The following RHBDD1 variants were observed in gnomAD, a reference collection of about 807,000 sequenced individuals.
The protein encoded by RHBDD1 is rhomboid domain containing 1, also known as rhomboid-related protein 4.
Under a neutral mutation model 36.3 loss-of-function variants are expected in RHBDD1, and 38 were observed. The ratio of observed to expected loss-of-function variants is 1.05; its 90% CI spans 0.81 to 1.37. RHBDD1 has a LOEUF of 1.37. Ranked by LOEUF, RHBDD1 falls within the 40% of genes most tolerant of loss-of-function variation. The pLI is 0.00. For synonymous variants in RHBDD1, 151 were observed against 136.5 expected, an observed-to-expected ratio of 1.11 and a Z score of -0.74; for missense variants, 393 against 377.6, an observed-to-expected ratio of 1.04 and a Z score of -0.34.
At chr2:226,990,217 T>C (rs1355164200) in intron 8 of RHBDD1, among the ~76,000 whole-genome samples, 2 of 152,184 alleles carry the variant, frequency 1.3e-5, no homozygotes, top group Non-Finnish European at 2.9e-5. Flanking sequence ...TTTTTGGTCT[T>C]TGACGGTAAA....
intron 5 of RHBDD1, among the ~76,000 whole-genome samples, chr2:226,904,920 C>T (rs187391877): frequency 1.3e-5 from 2 of 152,156 alleles, no homozygotes; most frequent in Admixed American, 1.3e-4. Context: ...GTGGTTTTAA[C>T]TTACCTCCTG....
chr2:226,980,304 ACTCTCGTTCC>A (rs1955422898), intron 8 of RHBDD1, among the ~76,000 whole-genome samples: 1 of 151,908 alleles, frequency 6.6e-6, no homozygotes, highest in African/African-American at 2.4e-5. Flanking sequence ...CCCATGCCCT[ACTCTCGTTCC>A]CCACCAGAGC....
intron 8 of RHBDD1, among the ~76,000 whole-genome samples, chr2:226,984,123 C>T (rs1482288925): frequency 1.3e-5 from 2 of 152,246 alleles, no homozygotes; most frequent in Non-Finnish European, 2.9e-5. Flanking sequence ...GAAAGCACAT[C>T]TGTTCACCGC....
chr2:226,882,430 C>CAAAAAAAAAA (rs58149634), intron 5 of RHBDD1, among the ~76,000 whole-genome samples: 1 of 57,102 alleles, frequency 1.8e-5, no homozygotes, highest in Non-Finnish European at 3.7e-5. Flanking sequence ...GACTTTGCCT[C>CAAAAAAAAAA]AAAAAAAAAA....
At chr2:226,962,158 G>A (rs963943600) in intron 8 of RHBDD1, among the ~76,000 whole-genome samples, 19 of 152,166 alleles carry the variant, frequency 1.2e-4, no homozygotes, top group African/African-American at 4.3e-4. Context: ...CTAAAGTGGT[G>A]ATATATTGGA....
chr2:226,920,924 G>A (rs909481681), intron 8 of RHBDD1, among the ~76,000 whole-genome samples: 2 of 152,070 alleles, frequency 1.3e-5, no homozygotes, highest in Non-Finnish European at 2.9e-5. Context: ...AATAGTTTGT[G>A]TTGGATTGGT....
At chr2:226,841,415 A>G (rs1165778557) in intron 3 of RHBDD1, among the ~76,000 whole-genome samples, 1 of 152,156 alleles carries the variant, frequency 6.6e-6, no homozygotes. Flanking sequence ...TCACCTAGGT[A>G]TTAAGCCCCA....
At chr2:226,994,365 G>A (rs190396478) in intron 8 of RHBDD1, among the ~76,000 whole-genome samples, 4 of 152,142 alleles carry the variant, frequency 2.6e-5, no homozygotes, top group Middle Eastern at 3.4e-3. Flanking sequence ...GGCAGGATGT[G>A]GTGATGATTG....
In RHBDD1 at chr2:226,842,445, T is replaced by G. The variant is rs1348983308; in HGVS notation, c.-91+2818T>G. Among the ~76,000 whole-genome samples the G allele has an allele frequency of 5.9e-5, 9 of 152,216 alleles. No homozygotes were observed. The South Asian group carries it at 1.9e-3, about 32-fold the overall frequency. ...TGGGTTTGACATTTAAGTCTTTAAT[T>G]CATTGTGAGTTAATTTTTGTATGTA... is the stretch of plus-strand genomic sequence containing the variant. On this transcript the variant is annotated intron_variant, in intron 3 of 8. Coordinates refer to ENST00000392062, the MANE Select transcript of RHBDD1 (RefSeq NM_001167608.3).
chr2:226,995,491 G>C lies in RHBDD1; in HGVS notation c.917G>C (p.Arg306Thr), dbSNP rs984888880. Residue 306 changes from arginine (R) to threonine (T), a missense_variant, in exon 9 of 9, where the codon AGA (arginine) becomes ACA (threonine). Coordinates refer to ENST00000392062, the MANE Select transcript of RHBDD1 (RefSeq NM_001167608.3). ...CATCTCTCACCAGAAGAAATGAGGA[G>C]ACAGCGGCTTCACAGATTCGATAGC... ...GFHLSPEEMR[R>T]QRLHRFDSQ 7 of 1,613,002 alleles carry C rather than the reference G, an allele frequency of 4.3e-6. No individual in the cohort carries two copies. The highest frequency in any genetic ancestry group is 5.9e-6 in the Non-Finnish European group (7 of 1,179,490).
At position 226,867,274 on chromosome 2, in the gene RHBDD1, T is replaced by C. The variant is rs1310888615; in HGVS notation, c.522T>C (p.Phe174=). The part of the protein sequence containing the change: ...NILGFPVPNR[F]ACWVELVAIH... The stretch of plus-strand genomic sequence containing the variant: ...TGGGCTTTCCTGTACCGAACAGATT[T>C]GCTTGTTGGGTCGAACTTGTGGCTA... Residue 174 remains phenylalanine (F), a synonymous_variant, in exon 5 of 9, where the codon TTT becomes TTC. Coordinates refer to ENST00000392062, the MANE Select transcript of RHBDD1 (RefSeq NM_001167608.3). The C allele has an allele frequency of 1.2e-6, 2 of 1,613,748 alleles. No individual in the cohort carries two copies. Among genetic ancestry groups the C allele is most frequent in the East Asian group, 4.5e-5 (2 of 44,836 alleles).
At chr2:226,856,737 G>A (rs1943367242) in intron 3 of RHBDD1, among the ~76,000 whole-genome samples, 1 of 152,202 alleles carries the variant, frequency 6.6e-6, no homozygotes, top group South Asian at 2.1e-4. Context: ...TGCGCTATTT[G>A]TGATGCACTA....
intron 5 of RHBDD1, among the ~76,000 whole-genome samples, chr2:226,904,415 G>T (rs550429873): frequency 6.4e-5 from 8 of 124,596 alleles, no homozygotes; most frequent in East Asian, 2.3e-4. Flanking sequence ...TCCTGCAAGC[G>T]GGGGGGGAGG....
At chr2:226,958,477 T>A (rs1951935818) in intron 8 of RHBDD1, among the ~76,000 whole-genome samples, 1 of 152,206 alleles carries the variant, frequency 6.6e-6, no homozygotes, top group Non-Finnish European at 1.5e-5. Flanking sequence ...TGGGAATGAT[T>A]ATACAGCTCT....
At chr2:226,877,646 C>T (rs1292720444) in intron 5 of RHBDD1, among the ~76,000 whole-genome samples, 1 of 150,512 alleles carries the variant, frequency 6.6e-6, no homozygotes, top group Non-Finnish European at 1.5e-5. Flanking sequence ...AACAACGGCT[C>T]ATTCATCTCA....
intron 7 of RHBDD1, among the ~76,000 whole-genome samples, chr2:226,912,389 A>G (rs952561958): frequency 2.0e-5 from 3 of 152,184 alleles, no homozygotes; most frequent in Admixed American, 1.3e-4. Flanking sequence ...ATGTCCACCT[A>G]AAAACTTGCT....
chr2:226,858,209 T>C (rs538155841), intron 3 of RHBDD1, among the ~76,000 whole-genome samples: 4 of 152,320 alleles, frequency 2.6e-5, no homozygotes, highest in Admixed American at 2.0e-4. Flanking sequence ...ACACTTCAAA[T>C]ATTCAAAACT....
At chr2:226,948,547 C>A (rs1283472726) in intron 8 of RHBDD1, among the ~76,000 whole-genome samples, 1 of 105,824 alleles carries the variant, frequency 9.4e-6, no homozygotes. Flanking sequence ...TGCACATGTA[C>A]CCTAAAACTT....
intron 8 of RHBDD1, among the ~76,000 whole-genome samples, chr2:226,955,259 G>A (rs1174950219): frequency 6.6e-6 from 1 of 152,150 alleles, no homozygotes; most frequent in Non-Finnish European, 1.5e-5. Context: ...CCTCAGTCAA[G>A]GGATCCATGT....
Sources: gnomAD v4.1 joint callset for allele counts (sites outside exome capture counted in the v4.1 genomes callset) on GRCh38, gnomAD v4.1.1 for gene constraint, MANE v1.5 for transcripts, NCBI Gene and HGNC (gene_info 2026-07-23, HGNC 2026-07-21) for gene names.